PTPRN2: variants seen among roughly 807,000 people sequenced by gnomAD.
PTPRN2 encodes the protein protein tyrosine phosphatase receptor type N2.
Under a neutral mutation model 118.8 loss-of-function variants are expected in PTPRN2, and 74 were observed. That is an observed-to-expected ratio of 0.62 (90% CI 0.52 to 0.76). The LOEUF is 0.76. Among genes scored for constraint, PTPRN2 ranks in the 30% least tolerant of loss-of-function variants. The pLI is 0.00. For synonymous variants in PTPRN2, 641 were observed against 608.0 expected (o/e 1.05, Z -0.80); for missense variants, 1,481 against 1,394.4 (o/e 1.06, Z -0.99).
intron 1 of PTPRN2, among the ~76,000 whole-genome samples, chr7:158,564,492 C>A (rs546119057): frequency 6.6e-6 from 1 of 152,258 alleles, no homozygotes; most frequent in Admixed American, 6.5e-5. Flanking sequence ...GCCAGCTGTG[C>A]GGCTGCCATC....
intron 4 of PTPRN2, among the ~76,000 whole-genome samples, chr7:158,201,616 G>A (rs553922952): frequency 2.4e-4 from 37 of 152,036 alleles, no homozygotes; most frequent in Non-Finnish European, 1.2e-4. Flanking sequence ...ACCCTTTTAG[G>A]TCCAATAAGA....
intron 17 of PTPRN2, among the ~76,000 whole-genome samples, chr7:157,580,416 T>C (rs994187665): frequency 2.0e-5 from 3 of 151,956 alleles, no homozygotes; most frequent in African/African-American, 7.3e-5. Context: ...CATGGCCACC[T>C]GCACAGCCGA....
At chr7:158,148,566 C>T (rs375494719) in intron 6 of PTPRN2, among the ~76,000 whole-genome samples, 9 of 113,598 alleles carry the variant, frequency 7.9e-5, no homozygotes, top group African/African-American at 1.0e-4. Flanking sequence ...CCCCATCTCA[C>T]GCCACATGTC....
chr7:157,852,601 T>C (rs569606205), intron 12 of PTPRN2, among the ~76,000 whole-genome samples: 1 of 152,322 alleles, frequency 6.6e-6, no homozygotes, highest in South Asian at 2.1e-4. Context: ...CCGGGTGCGG[T>C]GGCTCACGCC....
chr7:157,797,308 G>A (rs1804936194), intron 12 of PTPRN2, among the ~76,000 whole-genome samples: 1 of 152,370 alleles, frequency 6.6e-6, no homozygotes, highest in Admixed American at 6.5e-5. Context: ...GCGGAGGAGA[G>A]TCCGGCCTTG....
chr7:158,166,960 T>C lies in PTPRN2; in HGVS notation c.881A>G (p.Asp294Gly), dbSNP rs769969824. The change falls in exon 6 of 23, where the codon GAT (aspartate) becomes GGT (glycine). Residue 294 changes from aspartate (D) to glycine (G), a missense_variant. Transcript: ENST00000389418. ...GCCTGTGCTGGAGGGGTCTTCGGAATCTCCCAGAGGTGAAGGCCACTTCTG... is the reference window on the plus strand; with the variant it reads ...GCCTGTGCTGGAGGGGTCTTCGGAACCTCCCAGAGGTGAAGGCCACTTCTG... ...APQKWPSPLG[D>G]SEDPSSTGDG... 6.9e-7 allele frequency: 1 copy of C among 1,444,700 alleles called. No homozygotes were observed. The highest frequency in any genetic ancestry group is 9.1e-7 in the Non-Finnish European group (1 of 1,094,210). 89.5% of individuals were successfully genotyped at this position (1,444,700 alleles called of 1,614,324 possible).
chr7:158,081,295 C>T lies in PTPRN2; in HGVS notation c.1723+3G>A, dbSNP rs538615575. The stretch of plus-strand genomic sequence containing the variant: ...GTGTACGTGTGTGTGGAAACAGCCT[C>T]ACCTGTGGCCTTCTCCACATCCTCA... On this transcript the variant is annotated splice_donor_region_variant and intron_variant, in intron 11 of 22. Coordinates refer to ENST00000389418, the MANE Select transcript of PTPRN2 (RefSeq NM_002847.5). 9.3e-6 allele frequency: 15 copies of T among 1,613,462 alleles called. No individual in the cohort carries two copies. The South Asian group carries it at 1.6e-4, about 18-fold the overall frequency.
chr7:158,019,652 T>C (rs1806718053), intron 11 of PTPRN2, among the ~76,000 whole-genome samples: 1 of 152,252 alleles, frequency 6.6e-6, no homozygotes, highest in Non-Finnish European at 1.5e-5. Flanking sequence ...AAGACCTATA[T>C]TGAGCAAACC....
intron 12 of PTPRN2, among the ~76,000 whole-genome samples, chr7:157,771,550 A>G (rs1483706248): frequency 6.6e-6 from 1 of 152,244 alleles, no homozygotes; most frequent in Non-Finnish European, 1.5e-5. Context: ...GCAGTGAGAC[A>G]CAGCCCCTGC....
chr7:158,581,993 T>A (rs1412980558), intron 1 of PTPRN2, among the ~76,000 whole-genome samples: 1 of 152,214 alleles, frequency 6.6e-6, no homozygotes, highest in Non-Finnish European at 1.5e-5. Flanking sequence ...CTTCCTGTTC[T>A]AGGTATTTAA....
At chr7:158,246,130 AATTGATTG>A (rs61481693) in intron 3 of PTPRN2, among the ~76,000 whole-genome samples, 10 of 151,078 alleles carry the variant, frequency 6.6e-5, no homozygotes, top group South Asian at 2.1e-4. Flanking sequence ...TGCATTCACT[AATTGATTG>A]ATTGATTGAT....
chr7:157,666,372 A>C (rs1343905649), intron 13 of PTPRN2, among the ~76,000 whole-genome samples: 1 of 152,186 alleles, frequency 6.6e-6, no homozygotes, highest in East Asian at 1.9e-4. Context: ...TCAAATTCCC[A>C]GTGAGAAGGA....
At position 158,563,360 on chromosome 7, in the gene PTPRN2, G is replaced by C. The variant is rs985175156; in HGVS notation, c.112+24198C>G. Among the ~76,000 whole-genome samples the C allele has an allele frequency of 1.3e-5, 2 of 152,226 alleles. No individual in the cohort carries two copies. Among genetic ancestry groups the C allele is most frequent in the African/African-American group, 4.8e-5 (2 of 41,448 alleles). Reference sequence around the variant, plus strand: ...AGTGGAACGCAGATACGGCACGTCAGTGAGAACAAAAGCATCACAAAATGC... The same window carrying C: ...AGTGGAACGCAGATACGGCACGTCACTGAGAACAAAAGCATCACAAAATGC... On this transcript the variant is annotated intron_variant, in intron 1 of 22. Coordinates refer to ENST00000389418, the MANE Select transcript of PTPRN2 (RefSeq NM_002847.5). The surrounding 1 kb of genome is among the most constrained non-coding windows in gnomAD (Gnocchi z 5.1).
intron 3 of PTPRN2, among the ~76,000 whole-genome samples, chr7:158,269,731 C>T (rs1798165065): frequency 6.6e-6 from 1 of 151,614 alleles, no homozygotes; most frequent in Non-Finnish European, 1.5e-5. Flanking sequence ...GAGACAGAAA[C>T]AGAGAGACAG....
chr7:158,096,972 T>C (rs1239572094), intron 10 of PTPRN2, among the ~76,000 whole-genome samples: 2 of 152,174 alleles, frequency 1.3e-5, no homozygotes, highest in African/African-American at 4.8e-5. Context: ...ACTGCCCTGA[T>C]GTGTAGACAA....
chr7:158,376,134 G>A (rs1199078565), intron 2 of PTPRN2, among the ~76,000 whole-genome samples: 1 of 152,146 alleles, frequency 6.6e-6, no homozygotes, highest in Non-Finnish European at 1.5e-5. Flanking sequence ...CAGGGCCAGA[G>A]CCCAAAAGCA....
At chr7:157,659,451 G>T (rs1795782266) in intron 13 of PTPRN2, among the ~76,000 whole-genome samples, 1 of 127,188 alleles carries the variant, frequency 7.9e-6, no homozygotes, top group Non-Finnish European at 1.7e-5. Flanking sequence ...ACAGGGGTGG[G>T]AGGATGGTCA....
intron 1 of PTPRN2, among the ~76,000 whole-genome samples, chr7:158,556,890 CAGGGGGCTCCCGT>C (rs1827048630): frequency 6.8e-6 from 1 of 146,948 alleles, no homozygotes; most frequent in African/African-American, 2.5e-5. Context: ...CCGTGAAGGT[CAGGGGGCTCCCGT>C]GCAGGTCGCT....
chr7:158,340,020 CTA>C (rs1266059904), intron 2 of PTPRN2, among the ~76,000 whole-genome samples: 1 of 82,186 alleles, frequency 1.2e-5, no homozygotes, highest in Non-Finnish European at 2.6e-5. Context: ...CACACTCTCA[CTA>C]TAAGAGGTGA....
Sources: gnomAD v4.1 joint callset for allele counts (sites outside exome capture counted in the v4.1 genomes callset) on GRCh38, gnomAD v4.1.1 for gene constraint, Gnocchi (gnomAD v3.1) non-coding constraint, MANE v1.5 for transcripts, NCBI Gene and HGNC (gene_info 2026-07-23, HGNC 2026-07-21) for gene names.